TMEM132C: variants seen among roughly 807,000 people sequenced by gnomAD.
TMEM132C encodes transmembrane protein 132C.
In TMEM132C, 29 loss-of-function variants were observed where a neutral mutation model predicts 61.4. The observed-to-expected ratio is 0.47, with a 90% CI of 0.35 to 0.64. TMEM132C has a LOEUF of 0.64. Ranked by LOEUF, TMEM132C falls within the 30% of genes least tolerant of loss-of-function variation. TMEM132C has a pLI of 0.00. For missense variants in TMEM132C, 1,408 were observed against 1,476.9 expected (o/e 0.95, Z 0.76); for synonymous variants, 656 against 633.1 (o/e 1.04, Z -0.54).
rs935793530 is a variant in TMEM132C at position 128,518,756 on chromosome 12, G to GGT, written c.975-25184_975-25183dup. Among the ~76,000 whole-genome samples, 431 of 150,072 alleles carry GGT rather than the reference G, an allele frequency of 2.9e-3. 1 individual carries two copies. Among genetic ancestry groups the GGT allele is most frequent in the African/African-American group, 5.6e-3 (229 of 41,116 alleles). On this transcript the variant is annotated intron_variant, in intron 2 of 8. Transcript: ENST00000435159. Reference sequence around the variant, plus strand: ...TGCATGTGTGTGCGTGTGTGTGTGTGGTGTGTGTGTGTGTGTGTATGCACA... The same window carrying GGT: ...TGCATGTGTGTGCGTGTGTGTGTGTGGTGTGTGTGTGTGTGTGTGTATGCACA...
chr12:128,382,385 C>T (rs896512997), intron 1 of TMEM132C, among the ~76,000 whole-genome samples: 1 of 152,188 alleles, frequency 6.6e-6, no homozygotes. Context: ...CGAGATAGCG[C>T]TGACTGATAG....
chr12:128,500,292 A>G (rs1392207060), intron 2 of TMEM132C, among the ~76,000 whole-genome samples: 3 of 152,186 alleles, frequency 2.0e-5, no homozygotes, highest in Non-Finnish European at 4.4e-5. Context: ...GGATTAGACA[A>G]TGGTTTCTTA....
chr12:128,609,902 C>T (rs1299926088), intron 3 of TMEM132C, among the ~76,000 whole-genome samples: 2 of 152,196 alleles, frequency 1.3e-5, no homozygotes, highest in Non-Finnish European at 2.9e-5. Flanking sequence ...GCTTTGTAGC[C>T]TTCCTTTGCT....
chr12:128,659,311 G>A lies in TMEM132C; in HGVS notation c.1306-10106G>A, dbSNP rs187455576. Among the ~76,000 whole-genome samples, 154 of 152,254 alleles carry A rather than the reference G, an allele frequency of 1.0e-3. 2 individuals are homozygous for A. The highest frequency in any genetic ancestry group is 3.9e-4 in the East Asian group (2 of 5,172). ...CAAAATCTAATGGGATGTGAAAGAC[G>A]TCTGTGAAGCCATTACAGACACCTG... On this transcript the variant is annotated intron_variant, in intron 4 of 8. Coordinates refer to ENST00000435159, the MANE Select transcript of TMEM132C (RefSeq NM_001136103.3).
At chr12:128,374,287 G>A (rs762523028) in intron 1 of TMEM132C, among the ~76,000 whole-genome samples, 21 of 152,170 alleles carry the variant, frequency 1.4e-4, no homozygotes, top group Non-Finnish European at 3.1e-4. Context: ...AAGAAGTCAG[G>A]TTTCAGAACT....
rs147163607 is a variant in TMEM132C, at chr12:128,326,434, CT to C, written c.85+58948del. ...GAGCCTTTGGCTGACGCTTATCCCC[CT>C]CTGGTTCAGATATCTTTGCAAAGGC... On this transcript the variant is annotated intron_variant, in intron 1 of 8. Transcript: ENST00000435159. The surrounding 1 kb of genome is among the most constrained non-coding windows in gnomAD (Gnocchi z 5.6). Among the ~76,000 whole-genome samples, 6,390 of 152,330 alleles carry C rather than the reference CT, an allele frequency of 0.042. 340 individuals are homozygous for C. Among genetic ancestry groups the C allele is most frequent in the African/African-American group, 0.11 (4,410 of 41,560 alleles).
At chr12:128,661,018 TTAGA>T (rs941354817) in intron 4 of TMEM132C, among the ~76,000 whole-genome samples, 1 of 151,896 alleles carries the variant, frequency 6.6e-6, no homozygotes, top group Non-Finnish European at 1.5e-5. Flanking sequence ...AGATGACAGA[TTAGA>T]TAGATGATAG....
At chr12:128,546,524 G>C (rs182932524) in intron 3 of TMEM132C, among the ~76,000 whole-genome samples, 4 of 152,138 alleles carry the variant, frequency 2.6e-5, no homozygotes, top group Admixed American at 6.5e-5. Context: ...AGTTGTGTTT[G>C]CTGTCTCAGT....
intron 1 of TMEM132C, among the ~76,000 whole-genome samples, chr12:128,314,117 C>G (rs1872068618): frequency 6.6e-6 from 1 of 152,176 alleles, no homozygotes; most frequent in African/African-American, 2.4e-5. Flanking sequence ...CAAAAGCAAA[C>G]AAGAGTCTCT....
At chr12:128,638,902 GTGATGGTGATGATGGTGGTGA>G (rs1954123541) in intron 4 of TMEM132C, among the ~76,000 whole-genome samples, 5 of 93,472 alleles carry the variant, frequency 5.3e-5, no homozygotes, top group South Asian at 3.7e-4. Flanking sequence ...GGTGATGGTG[GTGATGGTGATGATGGTGGTGA>G]TGGTGATGGT....
intron 1 of TMEM132C, among the ~76,000 whole-genome samples, chr12:128,367,974 G>T (rs1000186156): frequency 1.3e-5 from 2 of 152,160 alleles, no homozygotes; most frequent in African/African-American, 2.4e-5. Context: ...ACTGCTGTCA[G>T]CCGGACTTTG....
intron 1 of TMEM132C, among the ~76,000 whole-genome samples, chr12:128,403,593 T>C (rs2136012287): frequency 6.6e-6 from 1 of 152,310 alleles, no homozygotes; most frequent in Non-Finnish European, 1.5e-5. Flanking sequence ...CAATTCCCAA[T>C]TGTTAAGCAT....
At chr12:128,619,835 G>A (rs1389019904) in intron 4 of TMEM132C, among the ~76,000 whole-genome samples, 1 of 152,180 alleles carries the variant, frequency 6.6e-6, no homozygotes, top group Non-Finnish European at 1.5e-5. Context: ...AGAAAAAAGG[G>A]TTCATATCCC....
chr12:128,616,388 C>A, intron 4 of TMEM132C, 53 bp downstream of exon 4: 6 of 1,470,106 alleles, frequency 4.1e-6, no homozygotes, highest in Non-Finnish European at 5.5e-6. Context: ...TGACTGCATC[C>A]TGTGTCCTTC....
intron 1 of TMEM132C, among the ~76,000 whole-genome samples, chr12:128,284,522 A>G (rs1468747825): frequency 6.6e-6 from 1 of 152,202 alleles, no homozygotes; most frequent in African/African-American, 2.4e-5. Flanking sequence ...CCTCAAGCCT[A>G]TGTGAAGCCA....
At chr12:128,476,248 A>G (rs1269580848) in intron 2 of TMEM132C, among the ~76,000 whole-genome samples, 1 of 141,340 alleles carries the variant, frequency 7.1e-6, no homozygotes, top group Non-Finnish European at 1.5e-5. Flanking sequence ...TGTCCACAAG[A>G]TAGGGATGCA....
At chr12:128,386,222 CAG>C (rs1348373191) in intron 1 of TMEM132C, among the ~76,000 whole-genome samples, 1 of 152,202 alleles carries the variant, frequency 6.6e-6, no homozygotes, top group Non-Finnish European at 1.5e-5. Context: ...GTACCCCTCT[CAG>C]AATGTTCATT....
chr12:128,577,713 G>T (rs4882789), intron 3 of TMEM132C, among the ~76,000 whole-genome samples: 1 of 152,246 alleles, frequency 6.6e-6, no homozygotes, highest in East Asian at 1.9e-4. Flanking sequence ...AAGTTTTATG[G>T]TCTCATCTTG....
intron 2 of TMEM132C, among the ~76,000 whole-genome samples, chr12:128,446,219 C>T (rs948313442): frequency 1.3e-5 from 2 of 152,224 alleles, no homozygotes. Flanking sequence ...ACTCACAGGG[C>T]AGTGACAGTG....
Sources: allele counts gnomAD v4.1 joint callset (sites outside exome capture counted in the v4.1 genomes callset), GRCh38; gene constraint gnomAD v4.1.1; non-coding constraint Gnocchi (gnomAD v3.1); transcripts MANE v1.5; gene names NCBI Gene and HGNC (gene_info 2026-07-23, HGNC 2026-07-21).